Variants in RYR3 observed in about 807,000 individuals in gnomAD.
RYR3 encodes ryanodine receptor 3.
RYR3 carries 207 observed loss-of-function variants against 584.3 expected under a neutral mutation model. That is an observed-to-expected ratio of 0.35 (90% CI 0.32 to 0.40). The LOEUF (loss-of-function observed/expected upper bound fraction) is 0.40, where lower values mean the gene tolerates loss of function less well. Ranked by LOEUF, RYR3 falls within the 10% of genes least tolerant of loss-of-function variation. The probability of loss-of-function intolerance (pLI) is 1.00; values close to 1 mark genes in which losing one functional copy is unlikely to be tolerated. For missense variants in RYR3, 5,616 were observed against 6,089.2 expected (o/e 0.92, Z 2.59); for synonymous variants, 2,416 against 2,248.5 (o/e 1.07, Z -2.11).
At chr15:33,583,015 C>T (rs1348000483) in intron 14 of RYR3, among the ~76,000 whole-genome samples, 1 of 151,546 alleles carries the variant, frequency 6.6e-6, no homozygotes, top group Non-Finnish European at 1.5e-5. Flanking sequence ...TGGTAAAACT[C>T]AAATGACAGC....
At position 33,726,438 on chromosome 15, in the gene RYR3, C is replaced by T; in HGVS notation, c.6965C>T (p.Ser2322Phe). 6.2e-7 allele frequency: 1 copy of T among 1,611,530 alleles called. No individual in the cohort carries two copies. The highest frequency in any genetic ancestry group is 8.5e-7 in the Non-Finnish European group (1 of 1,178,850). ...ATCCGCATCAGGTCCATCCTGCGCT[C>T]CCTGGTCCCCACAGAAGACCTGGTT... ...EAIRIRSILRSLVPTEDLVGI... is the reference protein window; with the variant it reads ...EAIRIRSILRFLVPTEDLVGI... The change falls in exon 46 of 104, where the codon TCC becomes TTC. Residue 2322 changes from serine to phenylalanine, a missense_variant. This residue lies in a region of RYR3 where 1,280 missense variants were observed against 1,426.2 expected (regional missense o/e 0.90). Coordinates refer to ENST00000634891, the MANE Select transcript of RYR3 (RefSeq NM_001036.6).
intron 5 of RYR3, among the ~76,000 whole-genome samples, chr15:33,533,748 A>G (rs1595479761): frequency 6.6e-6 from 1 of 152,332 alleles, no homozygotes; most frequent in Non-Finnish European, 1.5e-5. Context: ...AAATAATGAA[A>G]TATAGTGTCT....
At chr15:33,505,926 T>G (rs1165625716) in intron 3 of RYR3, among the ~76,000 whole-genome samples, 1 of 152,226 alleles carries the variant, frequency 6.6e-6, no homozygotes, top group Non-Finnish European at 1.5e-5. Flanking sequence ...TACCATGGTC[T>G]CAGGATAGAA....
At chr15:33,837,055 C>G in intron 88 of RYR3, 68 bp downstream of exon 88, 1 of 1,247,440 alleles carries the variant, frequency 8.0e-7, no homozygotes, top group African/African-American at 1.5e-5. Flanking sequence ...CCTTACTGAT[C>G]ATGCAGATTA....
chr15:33,560,054 T>G (rs190964551), intron 10 of RYR3, among the ~76,000 whole-genome samples: 1 of 152,332 alleles, frequency 6.6e-6, no homozygotes, highest in Admixed American at 6.5e-5. Context: ...TAGCTCTATT[T>G]TTTAGAAAGT....
chr15:33,463,171 A>G (rs2048186818), intron 1 of RYR3, among the ~76,000 whole-genome samples: 1 of 152,142 alleles, frequency 6.6e-6, no homozygotes, highest in Non-Finnish European at 1.5e-5. Context: ...CTCAAAAAAA[A>G]AAAAATTTTT....
At chr15:33,821,437 C>T (rs978972344) in intron 79 of RYR3, 68 bp downstream of exon 79, 3 of 1,580,356 alleles carry the variant, frequency 1.9e-6, no homozygotes, top group Non-Finnish European at 2.6e-6. Context: ...GACATACAGC[C>T]ATTATTAAAG....
At chr15:33,611,628 T>C (rs1219237615) in intron 18 of RYR3, among the ~76,000 whole-genome samples, 2 of 152,040 alleles carry the variant, frequency 1.3e-5, no homozygotes, top group African/African-American at 4.8e-5. Flanking sequence ...TGTACATATA[T>C]ATTTGGAAGA....
intron 89 of RYR3, 38 bp from the exon 90 acceptor site, chr15:33,840,787 C>G: frequency 1.2e-6 from 2 of 1,606,538 alleles, no homozygotes; most frequent in Non-Finnish European, 8.5e-7. Context: ...GACCTCGCTT[C>G]TTTGAGGAAA....
chr15:33,432,943 C>G (rs2676028), intron 1 of RYR3, among the ~76,000 whole-genome samples: 2 of 151,668 alleles, frequency 1.3e-5, no homozygotes, highest in Non-Finnish European at 2.9e-5. Context: ...ATTAATCTAG[C>G]CTTAGAACCG....
chr15:33,633,160 C>A, intron 24 of RYR3, 52 bp downstream of exon 24: 1 of 1,590,978 alleles, frequency 6.3e-7, no homozygotes, highest in Non-Finnish European at 8.6e-7. Context: ...TATGATCATC[C>A]ACGTGCCGTT....
At chr15:33,315,026 A>T (rs1349183092) in intron 1 of RYR3, among the ~76,000 whole-genome samples, 1 of 152,188 alleles carries the variant, frequency 6.6e-6, no homozygotes, top group African/African-American at 2.4e-5. Context: ...GGTTGGTCAT[A>T]GACAGCCTAA....
intron 2 of RYR3, among the ~76,000 whole-genome samples, chr15:33,485,534 C>G (rs1308928886): frequency 1.3e-5 from 2 of 152,124 alleles, no homozygotes; most frequent in Admixed American, 6.6e-5. Context: ...AACTGACTTT[C>G]AGATAAATGA....
chr15:33,588,560 AAAT>A (rs1366428010), intron 16 of RYR3, among the ~76,000 whole-genome samples: 1 of 152,142 alleles, frequency 6.6e-6, no homozygotes, highest in Non-Finnish European at 1.5e-5. Context: ...ACCCCAACCC[AAAT>A]AATGTACATT....
chr15:33,381,942 G>C (rs2041218297), intron 1 of RYR3, among the ~76,000 whole-genome samples: 1 of 152,222 alleles, frequency 6.6e-6, no homozygotes, highest in African/African-American at 2.4e-5. Flanking sequence ...TGCAGGGGCA[G>C]TGGTAGGTAT....
At position 33,657,405 on chromosome 15, in the gene RYR3, C is replaced by T. The variant is rs551048021; in HGVS notation, c.4309-2315C>T. ...TTAGCAGAAACGCATGGGCTTCCTA[C>T]TGGTCCAGATGAAGTTTCCTCAGCC... On this transcript the variant is annotated intron_variant, in intron 32 of 103. Coordinates refer to ENST00000634891, the MANE Select transcript of RYR3 (RefSeq NM_001036.6). Among the ~76,000 whole-genome samples the T allele has an allele frequency of 2.6e-5, 4 of 152,376 alleles. No homozygotes were observed. The South Asian group carries it at 8.3e-4, about 32-fold the overall frequency.
chr15:33,822,882 A>G (rs2077183361), intron 80 of RYR3, 114 bp from the exon 81 acceptor site: 2 of 741,624 alleles, frequency 2.7e-6, no homozygotes. Context: ...CTCTGATTCC[A>G]TAAGCAGAGC....
chr15:33,864,304 A>G, intron 103 of RYR3, 115 bp downstream of exon 103: 1 of 779,722 alleles, frequency 1.3e-6, no homozygotes, highest in Non-Finnish European at 2.0e-6. Context: ...CCGTGAATGC[A>G]TTTTCCCATC....
chr15:33,740,070 G>T (rs2069925430), intron 51 of RYR3, 75 bp downstream of exon 51: 2 of 1,322,698 alleles, frequency 1.5e-6, no homozygotes, highest in Admixed American at 3.7e-5. Flanking sequence ...AGGGTAGCAA[G>T]AAATGTGAGC....
Sources: allele counts gnomAD v4.1 joint callset (sites outside exome capture counted in the v4.1 genomes callset), GRCh38; gene constraint gnomAD v4.1.1; regional missense constraint gnomAD v4.1.1; transcripts MANE v1.5; gene names NCBI Gene and HGNC (gene_info 2026-07-23, HGNC 2026-07-21).